CNTNAP1: variants seen among roughly 807,000 people sequenced by gnomAD.
CNTNAP1 encodes the protein contactin associated protein 1, also known as contactin-associated protein 1.
Under a neutral mutation model 161.5 loss-of-function variants are expected in CNTNAP1, and 80 were observed. The ratio of observed to expected loss-of-function variants is 0.50; its 90% confidence interval spans 0.41 to 0.60. The LOEUF (loss-of-function observed/expected upper bound fraction) is 0.60, where lower values mean the gene tolerates loss of function less well. Ranked by LOEUF, CNTNAP1 falls within the 20% of genes least tolerant of loss-of-function variation. CNTNAP1 has a pLI of 0.00. For missense variants in CNTNAP1, 1,464 were observed against 1,854.8 expected, an observed-to-expected ratio of 0.79 and a Z score of 3.87; for synonymous variants, 695 against 733.1, an observed-to-expected ratio of 0.95 and a Z score of 0.84.
Position 42,689,555 on chromosome 17 carries a change from T to C in CNTNAP1, c.1663T>C (p.Cys555Arg), listed in dbSNP as rs763669672. 2 of 1,613,820 alleles carry C rather than the reference T, an allele frequency of 1.2e-6. No individual in the cohort carries two copies. The change falls in exon 11 of 24, where the codon TGC becomes CGC. Residue 555 changes from cysteine to arginine, a missense_variant. Cys to Arg is a radical substitution (Grantham distance 180, BLOSUM62 -3). This residue lies in a region of CNTNAP1 where 1,383 missense variants were observed against 1,765.0 expected (regional missense o/e 0.78). Transcript: ENST00000264638. The part of the protein sequence containing the change: ...SPNMCEHDGR[C>R]YQSWDDFICY... ...TAACATGTGTGAGCATGATGGACGC[T>C]GCTACCAGTCTTGGGATGACTTCAT...
chr17:42,682,823 G>A lies in CNTNAP1; in HGVS notation c.-7G>A, dbSNP rs1042315167. 1.9e-6 allele frequency: 3 copies of A among 1,569,366 alleles called. No homozygotes were observed. Among genetic ancestry groups the A allele is most frequent in the Admixed American group, 3.7e-5 (2 of 53,918 alleles). ...AGGGAGGCGGCTGCCGGGACCGTCA[G>A]CCCTGCATGATGCATCTCCGGCTCT... On this transcript the variant is annotated 5_prime_UTR_variant, in exon 1 of 24. Coordinates refer to ENST00000264638, the MANE Select transcript of CNTNAP1 (RefSeq NM_003632.3).
chr17:42,699,163 A>C lies in CNTNAP1; in HGVS notation c.*253A>C. 6 of 403,238 alleles carry C rather than the reference A, an allele frequency of 1.5e-5. No individual in the cohort carries two copies. The highest frequency in any genetic ancestry group is 4.1e-5 in the East Asian group (1 of 24,616). 25.0% of individuals were successfully genotyped at this position (403,238 alleles called of 1,614,324 possible). ...GGCTCCTGGCTGTTTATCTGCCCCA[A>C]AGGAGAAGCCTCATGGGGTTGACAT... On this transcript the variant is annotated 3_prime_UTR_variant, in exon 24 of 24. Transcript: ENST00000264638.
At chr17:42,683,634 C>A in intron 1 of CNTNAP1, 187 bp from the exon 2 acceptor site, 1 of 1,429,450 alleles carries the variant, frequency 7.0e-7, no homozygotes, top group South Asian at 1.5e-5. Context: ...GAGAAGGTAG[C>A]CTCCTCTGAG....
rs377261961 is a variant in CNTNAP1 at position 42,686,074 on chromosome 17, C to A, written c.833C>A (p.Thr278Asn). 1 of 1,614,064 alleles carries A rather than the reference C, an allele frequency of 6.2e-7. No individual in the cohort carries two copies. The highest frequency in any genetic ancestry group is 1.7e-5 in the Admixed American group (1 of 60,012). ...CGATTTGGCCGCGATGTAAATTTCA[C>A]CCTGGACGGCTATGTGCAGCGCTTT... The part of the protein sequence containing the change: ...VDRFGRDVNF[T>N]LDGYVQRFIL... Residue 278 changes from threonine to asparagine, a missense_variant, in exon 6 of 24, where the codon ACC becomes AAC. Coordinates refer to ENST00000264638, the MANE Select transcript of CNTNAP1 (RefSeq NM_003632.3).
At position 42,685,039 on chromosome 17, in the gene CNTNAP1, C is replaced by T; in HGVS notation, c.412C>T (p.His138Tyr). 2 of 1,591,860 alleles carry T rather than the reference C, an allele frequency of 1.3e-6. No individual in the cohort carries two copies. The highest frequency in any genetic ancestry group is 8.5e-7 in the Non-Finnish European group (1 of 1,171,670). ...GTCGGCGGTGGTGCGCCATGACCTG[C>T]ACTTCCACTTCACTGCGCGCTACAT... ...NESAVVRHDLHFHFTARYIRI... is the reference protein window; with the variant it reads ...NESAVVRHDLYFHFTARYIRI... The change falls in exon 4 of 24, where the codon CAC becomes TAC. Residue 138 changes from histidine (H) to tyrosine (Y), a missense_variant. Physicochemically the swap from His to Tyr is moderately conservative, Grantham distance 83 (BLOSUM62 2). Transcript: ENST00000264638. This position sits in a 1 kb window ranked among gnomAD's most constrained non-coding sequence, Gnocchi z 5.0.
chr17:42,693,587 T>A lies in CNTNAP1; in HGVS notation c.2992+51T>A, dbSNP rs781010078. On this transcript the variant is annotated intron_variant, in intron 18 of 23. Coordinates refer to ENST00000264638, the MANE Select transcript of CNTNAP1 (RefSeq NM_003632.3). ...CAGGGAGCCATAGGGTGTAATGGGA[T>A]GTAGGGAGGGCAGGGAAGGAAATAG... The A allele has an allele frequency of 6.3e-6, 10 of 1,590,548 alleles. No individual in the cohort carries two copies. In the South Asian group the frequency reaches 1.1e-4, roughly 18 times the overall value.
At chr17:42,697,852 G>T (rs972050872) in intron 22 of CNTNAP1, 51 bp from the exon 23 acceptor site, 29 of 1,614,090 alleles carry the variant, frequency 1.8e-5, no homozygotes, top group Non-Finnish European at 2.3e-5. Flanking sequence ...GGAAGGGAAT[G>T]ATTCTTAACA....
At position 42,691,859 on chromosome 17, in the gene CNTNAP1, C is replaced by T. The variant is rs143861583; in HGVS notation, c.2398C>T (p.Pro800Ser). ...FHTGAALRFP[P>S]IRANHSLDVS... is the part of the protein sequence containing the mutation. ...CACCGGGGCTGCACTACGCTTCCCCCCAATCCGTGCCAACCACAGCCTGGA... is the reference window on the plus strand; with the variant it reads ...CACCGGGGCTGCACTACGCTTCCCCTCAATCCGTGCCAACCACAGCCTGGA... Residue 800 changes from proline to serine, a missense_variant, in exon 16 of 24, where the codon CCA (proline) becomes TCA (serine). Transcript: ENST00000264638. The surrounding 1 kb of genome is among the most constrained non-coding windows in gnomAD (Gnocchi z 4.3). The T allele has an allele frequency of 1.9e-5, 30 of 1,614,060 alleles. No individual in the cohort carries two copies. The highest frequency in any genetic ancestry group is 1.3e-5 in the Non-Finnish European group (15 of 1,180,050).
At position 42,687,601 on chromosome 17, in the gene CNTNAP1, A is replaced by AC; in HGVS notation, c.1045-114dup. On this transcript the variant is annotated intron_variant, in intron 7 of 23. Transcript: ENST00000264638. The surrounding 1 kb of genome is among the most constrained non-coding windows in gnomAD (Gnocchi z 4.7). Reference sequence around the variant, plus strand: ...AGGTCACGTCATGGTTGGAGATCTCACCCCCGCCAACACCGAAGGAGGGCG... The same window carrying AC: ...AGGTCACGTCATGGTTGGAGATCTCACCCCCCGCCAACACCGAAGGAGGGCG... The AC allele has an allele frequency of 7.5e-7, 1 of 1,329,902 alleles. No individual in the cohort carries two copies. The highest frequency in any genetic ancestry group is 1.0e-6 in the Non-Finnish European group (1 of 959,050). The allele number at this position is 1,329,902 out of a possible 1,614,324, so 82.4% of individuals were successfully genotyped here.
rs978733510 is a variant in CNTNAP1 at position 42,686,262 on chromosome 17, T to G, written c.900+121T>G. 6 of 1,030,780 alleles carry G rather than the reference T, an allele frequency of 5.8e-6. No individual in the cohort carries two copies. In the Admixed American group the frequency reaches 1.2e-4, roughly 21 times the overall value. The allele number at this position is 1,030,780 out of a possible 1,614,324, so 63.9% of individuals were successfully genotyped here. A position where few individuals can be genotyped will look rare whatever the true frequency, so the allele number is the denominator to read the frequency against. ...GAGGAAAGACCTGGCATTCAGGCTG[T>G]GGGTGGTGGCTCATGCCTGTAATCC... On this transcript the variant is annotated intron_variant, in intron 6 of 23. Transcript: ENST00000264638.
At position 42,691,656 on chromosome 17, in the gene CNTNAP1, T is replaced by G; in HGVS notation, c.2344+145T>G. ...TGCGATCTCATTACCCCTCTGCACC[T>G]GGCTCCTCTTTCATTCCACTCCTTA... is the stretch of plus-strand genomic sequence containing the variant. On this transcript the variant is annotated intron_variant, in intron 15 of 23. Transcript: ENST00000264638. The surrounding 1 kb of genome is among the most constrained non-coding windows in gnomAD (Gnocchi z 4.3). 2 of 1,373,080 alleles carry G rather than the reference T, an allele frequency of 1.5e-6. No homozygotes were observed. Among genetic ancestry groups the G allele is most frequent in the Non-Finnish European group, 2.0e-6 (2 of 988,572 alleles). The allele number at this position is 1,373,080 out of a possible 1,614,324, so 85.1% of individuals were successfully genotyped here.
Position 42,682,824 on chromosome 17 carries a change from CCCTGCAT to C in CNTNAP1, c.-5_2del, listed in dbSNP as rs1291330803. ...GGGAGGCGGCTGCCGGGACCGTCAGCCCTGCATGATGCATCTCCGGCTCTTCTGCATC... is the reference window on the plus strand; with the variant it reads ...GGGAGGCGGCTGCCGGGACCGTCAGCGATGCATCTCCGGCTCTTCTGCATC... On this transcript the variant is annotated start_lost and 5_prime_UTR_variant, in exon 1 of 24. Transcript: ENST00000264638. 3.8e-6 allele frequency: 6 copies of C among 1,570,362 alleles called. No homozygotes were observed. The highest frequency in any genetic ancestry group is 5.2e-6 in the Non-Finnish European group (6 of 1,159,758).
At position 42,691,262 on chromosome 17, in the gene CNTNAP1, T is replaced by C. The variant is rs896391672; in HGVS notation, c.2185T>C (p.Tyr729His). 3.1e-6 allele frequency: 5 copies of C among 1,614,054 alleles called. No homozygotes were observed. In the Admixed American group the frequency reaches 6.7e-5, roughly 22 times the overall value. ...LDRSCVDPAL[Y>H]CNCDADQPQW... ...CCGGAGCTGTGTGGACCCTGCCTTG[T>C]ACTGCAACTGTGACGCTGACCAGCC... The change falls in exon 14 of 24, where the codon TAC (tyrosine) becomes CAC (histidine). Residue 729 changes from tyrosine to histidine, a missense_variant. Coordinates refer to ENST00000264638, the MANE Select transcript of CNTNAP1 (RefSeq NM_003632.3). This position sits in a 1 kb window ranked among gnomAD's most constrained non-coding sequence, Gnocchi z 4.3.
chr17:42,698,673 G>A lies in CNTNAP1; in HGVS notation c.3918G>A (p.Leu1306=). 1 of 1,610,628 alleles carries A rather than the reference G, an allele frequency of 6.2e-7. No individual in the cohort carries two copies. The highest frequency in any genetic ancestry group is 8.5e-7 in the Non-Finnish European group (1 of 1,177,650). The change falls in exon 24 of 24, where the codon CTG becomes CTA. Residue 1306 remains leucine, a synonymous_variant. Coordinates refer to ENST00000264638, the MANE Select transcript of CNTNAP1 (RefSeq NM_003632.3). ...GLVGMLVLFY[L]QNHRYKGSYH... is the part of the protein sequence containing the mutation. ...TGGGAATGTTGGTGCTCTTCTATCTGCAAAATCATCGCTATAAGGGCTCCT... is the reference window on the plus strand; with the variant it reads ...TGGGAATGTTGGTGCTCTTCTATCTACAAAATCATCGCTATAAGGGCTCCT...
Position 42,691,599 on chromosome 17 carries a change from C to G in CNTNAP1, c.2344+88C>G. 1 of 1,565,230 alleles carries G rather than the reference C, an allele frequency of 6.4e-7. No individual in the cohort carries two copies. Among genetic ancestry groups the G allele is most frequent in the Non-Finnish European group, 8.7e-7 (1 of 1,152,698 alleles). ...GCCGCATGTCACTGGTGGTCTCTAG[C>G]TGGGGTGCCCGACCCCCAGCTCCTG... On this transcript the variant is annotated intron_variant, in intron 15 of 23. Coordinates refer to ENST00000264638, the MANE Select transcript of CNTNAP1 (RefSeq NM_003632.3). This position sits in a 1 kb window ranked among gnomAD's most constrained non-coding sequence, Gnocchi z 4.3.
chr17:42,697,240 C>A, intron 20 of CNTNAP1, 34 bp from the exon 21 acceptor site: 1 of 1,488,124 alleles, frequency 6.7e-7, no homozygotes, highest in Non-Finnish European at 9.4e-7. Flanking sequence ...TCCCCGCTCC[C>A]TCATCGCCCT....
chr17:42,691,291 G>T lies in CNTNAP1; in HGVS notation c.2214G>T (p.Gln738His). The T allele has an allele frequency of 6.2e-7, 1 of 1,614,170 alleles. No homozygotes were observed. Reference protein sequence around the residue: ...LYCNCDADQPQWRTDKGLLTF... With the variant: ...LYCNCDADQPHWRTDKGLLTF... Reference sequence around the variant, plus strand: ...GCAACTGTGACGCTGACCAGCCCCAGTGGTGAGGGGGCAAAGGGACAGGGT... The same window carrying T: ...GCAACTGTGACGCTGACCAGCCCCATTGGTGAGGGGGCAAAGGGACAGGGT... The change falls in exon 14 of 24, where the codon CAG becomes CAT. Residue 738 changes from glutamine to histidine, a missense_variant and splice_region_variant. This residue lies in a region of CNTNAP1 where 1,383 missense variants were observed against 1,765.0 expected (regional missense o/e 0.78). Coordinates refer to ENST00000264638, the MANE Select transcript of CNTNAP1 (RefSeq NM_003632.3). This position sits in a 1 kb window ranked among gnomAD's most constrained non-coding sequence, Gnocchi z 4.3.
At chr17:42,693,648 C>T in intron 18 of CNTNAP1, 112 bp downstream of exon 18, 2 of 1,466,550 alleles carry the variant, frequency 1.4e-6, no homozygotes, top group South Asian at 1.3e-5. Flanking sequence ...TTAGAGTTGT[C>T]CCTGGATTCC....
In CNTNAP1 at chr17:42,697,778, G is replaced by C; in HGVS notation, c.3793G>C (p.Asp1265His). The C allele has an allele frequency of 3.7e-6, 6 of 1,614,158 alleles. No individual in the cohort carries two copies. Among genetic ancestry groups the C allele is most frequent in the Non-Finnish European group, 5.1e-6 (6 of 1,180,026 alleles). The part of the protein sequence containing the change: ...RLVSEVPPEL[D>H]PWYLPPDFPY... ...TGTTTCAGAGGTGCCACCTGAGCTT[G>C]ATCCCTGGTATCTGCCCCCAGGTAC... Residue 1265 changes from aspartate to histidine, a missense_variant, in exon 22 of 24, where the codon GAT becomes CAT. By Grantham distance (81) the Asp-to-His change is moderately conservative. Around this residue, in one of 3 missense-constraint regions of CNTNAP1, gnomAD observed 1,383 missense variants for 1,765.0 expected, o/e 0.78. Transcript: ENST00000264638.
Sources: allele counts gnomAD v4.1 joint callset, GRCh38; gene constraint gnomAD v4.1.1; regional missense constraint gnomAD v4.1.1; non-coding constraint Gnocchi (gnomAD v3.1); transcripts MANE v1.5; gene names NCBI Gene and HGNC (gene_info 2026-07-23, HGNC 2026-07-21).